The following WDR89 variants were observed in gnomAD, a reference collection of about 807,000 sequenced individuals.
WDR89 encodes WD repeat-containing protein 89.
Under a neutral mutation model 29.1 loss-of-function variants are expected in WDR89, and 17 were observed. The observed-to-expected ratio is 0.58, with a 90% CI of 0.40 to 0.88. The LOEUF (loss-of-function observed/expected upper bound fraction) is 0.88, where lower values mean the gene tolerates loss of function less well. Ranked by LOEUF, WDR89 falls within the 40% of genes least tolerant of loss-of-function variation. The pLI, the probability that WDR89 is intolerant of heterozygous loss-of-function variation, is 0.00. For missense variants in WDR89, 396 were observed against 456.3 expected, an observed-to-expected ratio of 0.87 and a Z score of 1.20; for synonymous variants, 138 against 157.8, an observed-to-expected ratio of 0.87 and a Z score of 0.94.
intron 2 of WDR89, among the ~76,000 whole-genome samples, chr14:63,609,563 C>T (rs1358224257): frequency 2.0e-5 from 3 of 152,004 alleles, no homozygotes; most frequent in African/African-American, 7.2e-5. Context: ...CCGAGGCGGG[C>T]GGATCACCTG....
At chr14:63,623,349 TAAAG>T (rs921891394) in intron 2 of WDR89, among the ~76,000 whole-genome samples, 1 of 148,718 alleles carries the variant, frequency 6.7e-6, no homozygotes, top group African/African-American at 2.5e-5. Flanking sequence ...AAAAAAGAAA[TAAAG>T]AACTGATGAG....
intron 1 of WDR89, among the ~76,000 whole-genome samples, chr14:63,633,071 T>C (rs139947566): frequency 4.2e-4 from 64 of 152,206 alleles, no homozygotes; most frequent in East Asian, 9.7e-4. Context: ...GTTTCATAAA[T>C]TAATTACCAT....
Position 63,638,898 on chromosome 14 carries a change from T to C in WDR89, c.-138+2906A>G, listed in dbSNP as rs115625825. 1.6e-3 allele frequency among the ~76,000 whole-genome samples: 237 copies of C among 152,340 alleles called. 1 individual carries two copies. The highest frequency in any genetic ancestry group is 5.5e-3 in the African/African-American group (229 of 41,574). On this transcript the variant is annotated intron_variant, in intron 1 of 2. Transcript: ENST00000620954. The stretch of plus-strand genomic sequence containing the variant: ...CTTAATTCCTGGAATCTATGACTGT[T>C]TCATTATATGACAAAAGGGACTTTA...
rs915377056 is a variant in WDR89, at chr14:63,597,976, T to C, written c.*803A>G. 6.6e-6 allele frequency: 1 copy of C among 152,072 alleles called. No homozygotes were observed. Among genetic ancestry groups the C allele is most frequent in the Non-Finnish European group, 1.5e-5 (1 of 68,020 alleles). 9.4% of individuals were successfully genotyped at this position (152,072 alleles called of 1,614,324 possible). A position where few individuals can be genotyped will look rare whatever the true frequency, so the allele number is the denominator to read the frequency against. ...AAGGCAAAAGGATAGCTGACAGACGTTAGGAGGTGAAATGGCACAGGACTT... is the reference window on the plus strand; with the variant it reads ...AAGGCAAAAGGATAGCTGACAGACGCTAGGAGGTGAAATGGCACAGGACTT... On this transcript the variant is annotated 3_prime_UTR_variant, in exon 3 of 3. Transcript: ENST00000620954.
intron 1 of WDR89, among the ~76,000 whole-genome samples, chr14:63,634,986 G>A (rs1381907867): frequency 6.6e-6 from 1 of 151,090 alleles, no homozygotes; most frequent in Non-Finnish European, 1.5e-5. Context: ...GCAGTGAGCT[G>A]AGATTGTGCC....
chr14:63,629,286 T>G (rs1883254466), intron 1 of WDR89, among the ~76,000 whole-genome samples: 1 of 152,238 alleles, frequency 6.6e-6, no homozygotes, highest in African/African-American at 2.4e-5. Flanking sequence ...AAGTCTTTAG[T>G]ATAATCACTT....
At chr14:63,605,661 C>T (rs1358494071) in intron 2 of WDR89, among the ~76,000 whole-genome samples, 1 of 151,992 alleles carries the variant, frequency 6.6e-6, no homozygotes, top group African/African-American at 2.4e-5. Context: ...GGTTTCACCA[C>T]GTTGGCCAGG....
rs182112926 is a variant in WDR89 at position 63,615,215 on chromosome 14, C to T, written c.-32+9713G>A. On this transcript the variant is annotated intron_variant, in intron 2 of 2. Coordinates refer to ENST00000620954, the MANE Select transcript of WDR89 (RefSeq NM_080666.4). ...TCTTGCATCCAAACGTCACCCTTTA[C>T]GGTAATTCCACAAATGCCCAGAATC... Among the ~76,000 whole-genome samples the T allele has an allele frequency of 1.4e-3, 217 of 152,284 alleles. 1 individual carries two copies. Among genetic ancestry groups the T allele is most frequent in the South Asian group, 8.3e-3 (40 of 4,826 alleles).
intron 2 of WDR89, among the ~76,000 whole-genome samples, chr14:63,619,529 T>C (rs949574052): frequency 7.2e-5 from 11 of 152,066 alleles, no homozygotes; most frequent in African/African-American, 2.4e-4. Flanking sequence ...CACCTACTAA[T>C]AGTGTAAGTA....
At chr14:63,638,666 G>A (rs1303055288) in intron 1 of WDR89, among the ~76,000 whole-genome samples, 1 of 152,164 alleles carries the variant, frequency 6.6e-6, no homozygotes, top group Admixed American at 6.6e-5. Context: ...TGCTATTAAA[G>A]ATATTCCAGT....
intron 1 of WDR89, among the ~76,000 whole-genome samples, chr14:63,640,437 T>C (rs1884031904): frequency 6.6e-6 from 1 of 152,178 alleles, no homozygotes; most frequent in Non-Finnish European, 1.5e-5. Flanking sequence ...CTCTAGATCA[T>C]TTTACCTTGG....
intron 1 of WDR89, among the ~76,000 whole-genome samples, chr14:63,637,457 C>T (rs1466405491): frequency 2.0e-5 from 3 of 152,178 alleles, no homozygotes; most frequent in South Asian, 2.1e-4. Context: ...AAGATACTTG[C>T]ACACGCATGT....
intron 2 of WDR89, among the ~76,000 whole-genome samples, chr14:63,612,257 A>C (rs1224549260): frequency 6.6e-6 from 1 of 152,076 alleles, no homozygotes; most frequent in Non-Finnish European, 1.5e-5. Flanking sequence ...CAGAGCCAAC[A>C]GAATCTCTTT....
chr14:63,603,880 G>C (rs367688145), intron 2 of WDR89, among the ~76,000 whole-genome samples: 4 of 152,320 alleles, frequency 2.6e-5, no homozygotes, highest in African/African-American at 9.6e-5. Flanking sequence ...CAGTACAACT[G>C]TTCTGTGGTT....
intron 2 of WDR89, chr14:63,601,952 C>A (rs537072813): frequency 3.8e-5 from 16 of 416,532 alleles, no homozygotes; most frequent in Non-Finnish European, 6.0e-5. Context: ...AAAATAAATT[C>A]TTCTATTGTG....
At chr14:63,630,630 G>C (rs1211146453) in intron 1 of WDR89, 1 of 150,292 alleles carries the variant, frequency 6.7e-6, no homozygotes, top group African/African-American at 2.5e-5. Flanking sequence ...CCGACAGGGC[G>C]AGACTCTGTC....
chr14:63,613,692 G>A (rs1882130544), intron 2 of WDR89, among the ~76,000 whole-genome samples: 1 of 151,768 alleles, frequency 6.6e-6, no homozygotes, highest in Non-Finnish European at 1.5e-5. Flanking sequence ...AGTAGAGATG[G>A]GGTTTCAACA....
In WDR89 at chr14:63,614,552, T is replaced by C. The variant is rs148417015; in HGVS notation, c.-32+10376A>G. ...AATCTTAACAATCTGGTTATTAACA[T>C]TTCAGAGAAAGAGGGAAGAGTAAAA... On this transcript the variant is annotated intron_variant, in intron 2 of 2. Coordinates refer to ENST00000620954, the MANE Select transcript of WDR89 (RefSeq NM_080666.4). 7.2e-4 allele frequency among the ~76,000 whole-genome samples: 110 copies of C among 152,292 alleles called. 2 individuals carry two copies. In the East Asian group the frequency reaches 0.012, roughly 17 times the overall value.
At chr14:63,633,349 C>A (rs1442078693) in intron 1 of WDR89, among the ~76,000 whole-genome samples, 2 of 151,950 alleles carry the variant, frequency 1.3e-5, no homozygotes, top group Non-Finnish European at 2.9e-5. Flanking sequence ...CAGAAAGACA[C>A]TTTAACATAT....
Sources: allele counts gnomAD v4.1 joint callset (sites outside exome capture counted in the v4.1 genomes callset), GRCh38; gene constraint gnomAD v4.1.1; transcripts MANE v1.5; gene names NCBI Gene and HGNC (gene_info 2026-07-23, HGNC 2026-07-21).